Variants in OSBPL3 observed in about 807,000 individuals in gnomAD.
The protein encoded by OSBPL3 is oxysterol binding protein like 3.
A neutral mutation model predicts 120.1 loss-of-function variants in OSBPL3; 65 were observed. The ratio of observed to expected loss-of-function variants is 0.54; its 90% CI spans 0.44 to 0.67. The LOEUF (loss-of-function observed/expected upper bound fraction) is 0.67. Among genes scored for constraint, OSBPL3 ranks in the 30% least tolerant of loss-of-function variants. OSBPL3 has a pLI of 0.00. For missense variants in OSBPL3, 1,004 were observed against 1,082.1 expected, an observed-to-expected ratio of 0.93 and a Z score of 1.01; for synonymous variants, 416 against 402.6, an observed-to-expected ratio of 1.03 and a Z score of -0.40.
Position 24,921,349 on chromosome 7 carries a change from G to A in OSBPL3, c.-149-28728C>T, listed in dbSNP as rs1304389396. Among the ~76,000 whole-genome samples, 4 of 152,196 alleles carry A rather than the reference G, an allele frequency of 2.6e-5. No individual in the cohort carries two copies. In the East Asian group the frequency reaches 7.7e-4, roughly 29 times the overall value. On this transcript the variant is annotated intron_variant, in intron 1 of 22. Transcript: ENST00000313367. ...GCTAATGAAAAGCCTGAACTGCATTGTCTGCAGACAAAAGAACAACATGAA... is the reference window on the plus strand; with the variant it reads ...GCTAATGAAAAGCCTGAACTGCATTATCTGCAGACAAAAGAACAACATGAA...
rs553196710 is a variant in OSBPL3 at position 24,932,221 on chromosome 7, A to G, written c.-149-39600T>C. Among the ~76,000 whole-genome samples the G allele has an allele frequency of 1.1e-4, 16 of 152,322 alleles. No individual in the cohort carries two copies. The highest frequency in any genetic ancestry group is 2.4e-4 in the Non-Finnish European group (16 of 68,032). ...TCGGCAACTGAGGCTTAACAAGGTCATATTTGTCCACCATCACTGGAATTT... is the reference window on the plus strand; with the variant it reads ...TCGGCAACTGAGGCTTAACAAGGTCGTATTTGTCCACCATCACTGGAATTT... On this transcript the variant is annotated intron_variant, in intron 1 of 22. Coordinates refer to ENST00000313367, the MANE Select transcript of OSBPL3 (RefSeq NM_015550.4). This position sits in a 1 kb window ranked among gnomAD's most constrained non-coding sequence, Gnocchi z 5.6.
chr7:24,844,778 T>C (rs943672624), intron 12 of OSBPL3, among the ~76,000 whole-genome samples: 31 of 152,316 alleles, frequency 2.0e-4, no homozygotes, highest in Admixed American at 6.5e-5. Flanking sequence ...TCGATATGAA[T>C]GTGGAAGTGG....
chr7:24,823,912 C>T (rs1024536508), intron 16 of OSBPL3, among the ~76,000 whole-genome samples: 5 of 152,210 alleles, frequency 3.3e-5, no homozygotes, highest in African/African-American at 1.2e-4. Context: ...AGAATCTAAC[C>T]TGTCTTTGTT....
rs1435212760 is a variant in OSBPL3, at chr7:24,940,444, A to G, written c.-150+39442T>C. 1.3e-5 allele frequency among the ~76,000 whole-genome samples: 2 copies of G among 152,154 alleles called. No homozygotes were observed. Among genetic ancestry groups the G allele is most frequent in the Non-Finnish European group, 2.9e-5 (2 of 68,016 alleles). Reference sequence around the variant, plus strand: ...ACCAGGGGAGAAGTAAAGAGTGTGGAAGAGTAAAGACCAGACAGGCTGAAC... The same window carrying G: ...ACCAGGGGAGAAGTAAAGAGTGTGGGAGAGTAAAGACCAGACAGGCTGAAC... On this transcript the variant is annotated intron_variant, in intron 1 of 22. Coordinates refer to ENST00000313367, the MANE Select transcript of OSBPL3 (RefSeq NM_015550.4). This position sits in a 1 kb window ranked among gnomAD's most constrained non-coding sequence, Gnocchi z 4.4.
chr7:24,836,037 G>A (rs746693416), intron 14 of OSBPL3, among the ~76,000 whole-genome samples: 2 of 151,238 alleles, frequency 1.3e-5, no homozygotes, highest in African/African-American at 2.4e-5. Context: ...TTTACCTATA[G>A]AACAAACCTG....
At position 24,835,341 on chromosome 7, in the gene OSBPL3, A is replaced by G. The variant is rs1316941012; in HGVS notation, c.1496-605T>C. On this transcript the variant is annotated intron_variant, in intron 14 of 22. Coordinates refer to ENST00000313367, the MANE Select transcript of OSBPL3 (RefSeq NM_015550.4). The surrounding 1 kb of genome is among the most constrained non-coding windows in gnomAD (Gnocchi z 4.8). ...TGCTCAATATCACTAATCATTAGAG[A>G]AATGCAAATCAAAACCACAATGAGA... 6.6e-6 allele frequency among the ~76,000 whole-genome samples: 1 copy of G among 152,144 alleles called. No homozygotes were observed. Among genetic ancestry groups the G allele is most frequent in the African/African-American group, 2.4e-5 (1 of 41,414 alleles).
rs1052791202 is a variant in OSBPL3 at position 24,951,731 on chromosome 7, C to T, written c.-150+28155G>A. Reference sequence around the variant, plus strand: ...CATGTAAGGGCTGACAAACACACCACGGGGGAGAAACCTGTATTAATGATC... The same window carrying T: ...CATGTAAGGGCTGACAAACACACCATGGGGGAGAAACCTGTATTAATGATC... On this transcript the variant is annotated intron_variant, in intron 1 of 22. Transcript: ENST00000313367. Among the ~76,000 whole-genome samples the T allele has an allele frequency of 3.9e-5, 6 of 152,242 alleles. No individual in the cohort carries two copies. In the East Asian group the frequency reaches 7.7e-4, roughly 20 times the overall value.
Position 24,899,255 on chromosome 7 carries a change from A to T in OSBPL3, c.-149-6634T>A, listed in dbSNP as rs1313282566. 6.6e-6 allele frequency among the ~76,000 whole-genome samples: 1 copy of T among 152,178 alleles called. No individual in the cohort carries two copies. Among genetic ancestry groups the T allele is most frequent in the African/African-American group, 2.4e-5 (1 of 41,450 alleles). ...TGTGGTCTGGACAGAGCAGAAGAGA[A>T]GGCAATGACAATCTTCCTGGCCTCA... On this transcript the variant is annotated intron_variant, in intron 1 of 22. Coordinates refer to ENST00000313367, the MANE Select transcript of OSBPL3 (RefSeq NM_015550.4). This position sits in a 1 kb window ranked among gnomAD's most constrained non-coding sequence, Gnocchi z 4.0.
intron 20 of OSBPL3, among the ~76,000 whole-genome samples, chr7:24,807,806 G>A (rs531360691): frequency 1.3e-5 from 2 of 152,188 alleles, no homozygotes; most frequent in African/African-American, 4.8e-5. Context: ...TTTACATATT[G>A]TATAAATCCA....
intron 12 of OSBPL3, among the ~76,000 whole-genome samples, chr7:24,848,452 T>C (rs1798705496): frequency 6.6e-6 from 1 of 152,252 alleles, no homozygotes; most frequent in South Asian, 2.1e-4. Flanking sequence ...AACCTACTTG[T>C]ACTTTTCTGA....
Position 24,808,185 on chromosome 7 carries a change from G to A in OSBPL3, c.2318-1283C>T, listed in dbSNP as rs765317221. Among the ~76,000 whole-genome samples the A allele has an allele frequency of 2.6e-5, 4 of 152,198 alleles. No individual in the cohort carries two copies. Among genetic ancestry groups the A allele is most frequent in the Non-Finnish European group, 5.9e-5 (4 of 68,042 alleles). On this transcript the variant is annotated intron_variant, in intron 20 of 22. Transcript: ENST00000313367. The surrounding 1 kb of genome is among the most constrained non-coding windows in gnomAD (Gnocchi z 4.6). ...CAAAGTGCTGGGATTACAGGCGTGA[G>A]CCACCATGCCCGACTGGGACCCATT... is the stretch of plus-strand genomic sequence containing the variant.
Position 24,821,870 on chromosome 7 carries a change from ATGT to A in OSBPL3, c.1885-1635_1885-1633del, listed in dbSNP as rs1245080568. Among the ~76,000 whole-genome samples, 1 of 151,912 alleles carries A rather than the reference ATGT, an allele frequency of 6.6e-6. No individual in the cohort carries two copies. The highest frequency in any genetic ancestry group is 2.4e-5 in the African/African-American group (1 of 41,344). On this transcript the variant is annotated intron_variant, in intron 16 of 22. Transcript: ENST00000313367. The surrounding 1 kb of genome is among the most constrained non-coding windows in gnomAD (Gnocchi z 5.5). The stretch of plus-strand genomic sequence containing the variant: ...TAATGTAACTCTCTGATTTCCTTTG[ATGT>A]TGTCTTTTTTCTTTTTTTGAGACAG...
Position 24,915,796 on chromosome 7 carries a change from C to T in OSBPL3, c.-149-23175G>A, listed in dbSNP as rs117484450. 2.6e-4 allele frequency among the ~76,000 whole-genome samples: 39 copies of T among 152,146 alleles called. No individual in the cohort carries two copies. In the East Asian group the frequency reaches 5.6e-3, roughly 22 times the overall value. ...ACCATGATGTTGGCCAGACTGGTCT[C>T]GAACTTCTGACCTAGTGGTCCACCC... On this transcript the variant is annotated intron_variant, in intron 1 of 22. Coordinates refer to ENST00000313367, the MANE Select transcript of OSBPL3 (RefSeq NM_015550.4).
chr7:24,948,387 CA>C (rs1467851819), intron 1 of OSBPL3, among the ~76,000 whole-genome samples: 1 of 94,132 alleles, frequency 1.1e-5, no homozygotes, highest in African/African-American at 3.8e-5. Context: ...AGATTTACCT[CA>C]TTTTTTTTTT....
intron 15 of OSBPL3, among the ~76,000 whole-genome samples, chr7:24,832,265 A>AC (rs1270107875): frequency 6.7e-6 from 1 of 150,312 alleles, no homozygotes; most frequent in African/African-American, 2.5e-5. Context: ...TAATCTCAGC[A>AC]CTTTGGGAGG....
In OSBPL3 at chr7:24,955,179, A is replaced by T. The variant is rs963369475; in HGVS notation, c.-150+24707T>A. Among the ~76,000 whole-genome samples, 4 of 152,208 alleles carry T rather than the reference A, an allele frequency of 2.6e-5. No individual in the cohort carries two copies. The highest frequency in any genetic ancestry group is 9.6e-5 in the African/African-American group (4 of 41,454). The stretch of plus-strand genomic sequence containing the variant: ...TCTGGCACATAACAGACTTCCAAAA[A>T]ATTATTTTTGAATTAATAAAGTTAT... On this transcript the variant is annotated intron_variant, in intron 1 of 22. Transcript: ENST00000313367. The surrounding 1 kb of genome is among the most constrained non-coding windows in gnomAD (Gnocchi z 4.3).
chr7:24,878,842 T>C (rs572655602), intron 2 of OSBPL3, among the ~76,000 whole-genome samples: 45 of 152,334 alleles, frequency 3.0e-4, no homozygotes, highest in African/African-American at 1.1e-3. Context: ...TTAAGTTCAG[T>C]AGGTCTGGGG....
intron 1 of OSBPL3, among the ~76,000 whole-genome samples, chr7:24,904,356 C>T (rs1469037658): frequency 6.6e-6 from 1 of 152,214 alleles, no homozygotes; most frequent in Non-Finnish European, 1.5e-5. Flanking sequence ...CCCGCAGTAT[C>T]TGCAGGTTTC....
Position 24,877,906 on chromosome 7 carries a change from G to A in OSBPL3, c.97-5837C>T, listed in dbSNP as rs1472712210. Among the ~76,000 whole-genome samples, 1 of 152,148 alleles carries A rather than the reference G, an allele frequency of 6.6e-6. No individual in the cohort carries two copies. The highest frequency in any genetic ancestry group is 1.5e-5 in the Non-Finnish European group (1 of 68,026). ...GGCTGCACTGATGTCTCATCCTGTGGGGTGTCAAGCTTAAAGGTCACCATG... is the reference window on the plus strand; with the variant it reads ...GGCTGCACTGATGTCTCATCCTGTGAGGTGTCAAGCTTAAAGGTCACCATG... On this transcript the variant is annotated intron_variant, in intron 2 of 22. Transcript: ENST00000313367. This position sits in a 1 kb window ranked among gnomAD's most constrained non-coding sequence, Gnocchi z 4.8.
Sources: allele counts gnomAD v4.1 joint callset (sites outside exome capture counted in the v4.1 genomes callset), GRCh38; gene constraint gnomAD v4.1.1; non-coding constraint Gnocchi (gnomAD v3.1); transcripts MANE v1.5; gene names NCBI Gene and HGNC (gene_info 2026-07-23, HGNC 2026-07-21).